Variants in MCF2L2 observed in about 807,000 individuals in gnomAD.
The protein encoded by MCF2L2 is probable guanine nucleotide exchange factor MCF2L2.
Under a neutral mutation model 150.2 loss-of-function variants are expected in MCF2L2, and 102 were observed. That is an observed-to-expected ratio of 0.68 (90% CI 0.58 to 0.80). The LOEUF (loss-of-function observed/expected upper bound fraction) is 0.80. Among genes scored for constraint, MCF2L2 ranks in the 30% least tolerant of loss-of-function variants. The pLI, the probability that MCF2L2 is intolerant of heterozygous loss-of-function variation, is 0.00. For synonymous variants in MCF2L2, 465 were observed against 491.3 expected (o/e 0.95, Z 0.71); for missense variants, 1,256 against 1,372.8 (o/e 0.91, Z 1.34).
At chr3:183,366,535 C>T (rs955121656) in intron 3 of MCF2L2, among the ~76,000 whole-genome samples, 37 of 152,100 alleles carry the variant, frequency 2.4e-4, no homozygotes, top group African/African-American at 6.8e-4. Context: ...ATCCCAGCTA[C>T]GCGAGAGGCT....
chr3:183,272,224 G>T (rs977939946), intron 15 of MCF2L2: 12 of 999,816 alleles, frequency 1.2e-5, no homozygotes, highest in Non-Finnish European at 1.4e-5. Context: ...TTACAAAGCA[G>T]GATAAAAATG....
intron 13 of MCF2L2, 115 bp from the exon 14 acceptor site, chr3:183,289,335 A>C: frequency 7.4e-6 from 5 of 672,116 alleles, no homozygotes; most frequent in East Asian, 2.7e-5. Flanking sequence ...ATAAAAGCTC[A>C]CTTGAGCTGC....
At chr3:183,401,041 C>G (rs961550502) in intron 1 of MCF2L2, among the ~76,000 whole-genome samples, 1 of 152,022 alleles carries the variant, frequency 6.6e-6, no homozygotes, top group African/African-American at 2.4e-5. Context: ...ATGTAGAGCG[C>G]CTCCTGAACG....
chr3:183,188,756 TCAGGAGTTCAAGAC>T (rs1721781304), intron 27 of MCF2L2, among the ~76,000 whole-genome samples: 2 of 152,088 alleles, frequency 1.3e-5, no homozygotes, highest in Non-Finnish European at 1.5e-5. Flanking sequence ...TCACTAGAGG[TCAGGAGTTCAAGAC>T]CAGCCTGGTC....
At chr3:183,296,782 G>A in intron 12 of MCF2L2, 194 bp downstream of exon 12, 1 of 565,840 alleles carries the variant, frequency 1.8e-6, no homozygotes, top group Non-Finnish European at 3.2e-6. Context: ...ACTGATTTGA[G>A]TCAGACGAAG....
rs145948375 is a variant in MCF2L2 at position 183,350,007 on chromosome 3, C to G, written c.276-8377G>C. 8.7e-4 allele frequency among the ~76,000 whole-genome samples: 133 copies of G among 152,214 alleles called. 1 individual carries two copies. Among genetic ancestry groups the G allele is most frequent in the African/African-American group, 2.9e-3 (121 of 41,530 alleles). On this transcript the variant is annotated intron_variant, in intron 3 of 29. Coordinates refer to ENST00000328913, the MANE Select transcript of MCF2L2 (RefSeq NM_015078.4). ...TTTATAAACACAGGCTATTCTTTCA[C>G]CTATGAAATAAGCAGCTGCTGGCAT...
At chr3:183,332,542 GATCATATGT>G (rs1182238103) in intron 5 of MCF2L2, among the ~76,000 whole-genome samples, 3 of 152,136 alleles carry the variant, frequency 2.0e-5, no homozygotes, top group African/African-American at 7.2e-5. Context: ...AGCACACCTA[GATCATATGT>G]ATCATATGTA....
intron 2 of MCF2L2, 112 bp downstream of exon 2, chr3:183,389,584 C>T: frequency 2.2e-6 from 2 of 898,350 alleles, no homozygotes; most frequent in Non-Finnish European, 3.6e-6. Flanking sequence ...CGGGTGAAGC[C>T]TAAGGGGTGA....
At position 183,331,083 on chromosome 3, in the gene MCF2L2, C is replaced by A. The variant is rs371357662; in HGVS notation, c.486+7717G>T. Among the ~76,000 whole-genome samples the A allele has an allele frequency of 3.9e-4, 60 of 152,284 alleles. 1 individual carries two copies. In the South Asian group the frequency reaches 0.012, roughly 30 times the overall value. On this transcript the variant is annotated intron_variant, in intron 5 of 29. Transcript: ENST00000328913. ...GTCTCAAATCCAAATCCCCAACCAC[C>A]ACCTTATCAAACTCTCACACACCAG...
intron 3 of MCF2L2, among the ~76,000 whole-genome samples, chr3:183,371,656 T>A (rs1712892989): frequency 6.9e-6 from 1 of 144,144 alleles, no homozygotes; most frequent in Admixed American, 6.9e-5. Flanking sequence ...TTTTTTTTTT[T>A]AAGTAGAGAT....
chr3:183,376,908 G>A (rs1415070374), intron 3 of MCF2L2: 5 of 152,192 alleles, frequency 3.3e-5, no homozygotes, highest in African/African-American at 9.7e-5. Flanking sequence ...CCTAGAGAGT[G>A]TCTTTCACAT....
intron 15 of MCF2L2, among the ~76,000 whole-genome samples, chr3:183,268,775 G>C (rs548394561): frequency 4.6e-5 from 7 of 152,180 alleles, no homozygotes; most frequent in Admixed American, 3.3e-4. Context: ...ACAAGAAACC[G>C]TAAGTGGCTA....
At chr3:183,212,142 A>T (rs1252728897) in intron 22 of MCF2L2, among the ~76,000 whole-genome samples, 1 of 152,242 alleles carries the variant, frequency 6.6e-6, no homozygotes, top group East Asian at 1.9e-4. Context: ...CAGTCACCAG[A>T]AGCTCAGACG....
intron 5 of MCF2L2, among the ~76,000 whole-genome samples, chr3:183,335,037 G>A (rs986249819): frequency 4.6e-5 from 7 of 151,226 alleles, no homozygotes; most frequent in South Asian, 2.1e-4. Flanking sequence ...TGGATACATT[G>A]AGCCCAGGAG....
rs1266774711 is a variant in MCF2L2, at chr3:183,238,890, G to A, written c.1863-7873C>T. On this transcript the variant is annotated intron_variant, in intron 15 of 29. Coordinates refer to ENST00000328913, the MANE Select transcript of MCF2L2 (RefSeq NM_015078.4). ...TGGGTGCCTGTAGTCCCAGCTACTC[G>A]GGAGGCTGAGACAGGAGAATGGCGT... is the stretch of plus-strand genomic sequence containing the variant. Among the ~76,000 whole-genome samples the A allele has an allele frequency of 4.6e-5, 7 of 150,904 alleles. No individual in the cohort carries two copies. In the South Asian group the frequency reaches 1.5e-3, roughly 32 times the overall value.
chr3:183,258,092 C>T (rs1192152038), intron 15 of MCF2L2, among the ~76,000 whole-genome samples: 4 of 151,460 alleles, frequency 2.6e-5, no homozygotes, highest in Non-Finnish European at 4.4e-5. Flanking sequence ...TTCAGCCTCC[C>T]GAGTAGCTGG....
chr3:183,219,822 A>G (rs766236645), intron 21 of MCF2L2, 34 bp downstream of exon 21: 3 of 1,364,302 alleles, frequency 2.2e-6, no homozygotes, highest in African/African-American at 2.9e-5. Context: ...ATTAATAGTT[A>G]GTTATATAAA....
chr3:183,291,486 A>C (rs1387364993), intron 13 of MCF2L2, among the ~76,000 whole-genome samples: 1 of 152,246 alleles, frequency 6.6e-6, no homozygotes, highest in Admixed American at 6.5e-5. Flanking sequence ...ATGGCACTAA[A>C]AAGTTTTTTC....
intron 15 of MCF2L2, among the ~76,000 whole-genome samples, chr3:183,266,637 A>G (rs1455213473): frequency 6.6e-6 from 1 of 152,140 alleles, no homozygotes; most frequent in Non-Finnish European, 1.5e-5. Flanking sequence ...AATGAAAGTG[A>G]TTTCGCAAAT....
Sources: gnomAD v4.1 joint callset for allele counts (sites outside exome capture counted in the v4.1 genomes callset) on GRCh38, gnomAD v4.1.1 for gene constraint, MANE v1.5 for transcripts, NCBI Gene and HGNC (gene_info 2026-07-23, HGNC 2026-07-21) for gene names.